TASOR: variants seen among roughly 807,000 people sequenced by gnomAD.
The protein encoded by TASOR is protein TASOR.
TASOR carries 53 observed loss-of-function variants against 178.6 expected under a neutral mutation model. The observed-to-expected ratio is 0.30, with a 90% CI of 0.24 to 0.37. The LOEUF is 0.37. Among genes scored for constraint, TASOR ranks in the 10% least tolerant of loss-of-function variants. TASOR has a pLI of 1.00. For synonymous variants in TASOR, 713 were observed against 696.2 expected, an observed-to-expected ratio of 1.02 and a Z score of -0.38; for missense variants, 1,815 against 1,971.4, an observed-to-expected ratio of 0.92 and a Z score of 1.50.
intron 5 of TASOR, 26 bp from the exon 6 acceptor site, chr3:56,668,584 G>A (rs896643795): frequency 6.8e-7 from 1 of 1,476,624 alleles, no homozygotes; most frequent in Non-Finnish European, 9.1e-7. Context: ...CCTTTTAAGT[G>A]TCTACCTAAA....
Position 56,638,736 on chromosome 3 carries a change from GCTGGT to G in TASOR, c.2789_2793del (p.Asp930AlafsTer6). The G allele has an allele frequency of 6.2e-7, 1 of 1,614,116 alleles. No homozygotes were observed. Among genetic ancestry groups the G allele is most frequent in the Non-Finnish European group, 8.5e-7 (1 of 1,179,996 alleles). ...GTTTGTTTCTCACCATGTTTCCCCA[GCTGGT>G]CTTCTGGGCTTCTTGCATTCCCTCC... On this transcript the variant is annotated frameshift_variant, in exon 17 of 24. Coordinates refer to ENST00000683822, the MANE Select transcript of TASOR (RefSeq NM_001365635.2). LOFTEE classifies it high-confidence loss of function.
Position 56,646,925 on chromosome 3 carries a change from G to C in TASOR, c.1812C>G (p.Ala604=), listed in dbSNP as rs146410830. The change falls in exon 14 of 24, where the codon GCC becomes GCG. Residue 604 remains alanine (A), a synonymous_variant. Coordinates refer to ENST00000683822, the MANE Select transcript of TASOR (RefSeq NM_001365635.2). Reference sequence around the variant, plus strand: ...GATACACTTCAGGCCGAAAAATATAGGCATGCAAACAAGTATCAATATGGG... The same window carrying C: ...GATACACTTCAGGCCGAAAAATATACGCATGCAAACAAGTATCAATATGGG... ...NKSHIDTCLH[A]YIFRPEVYQL... 57 of 1,611,802 alleles carry C rather than the reference G, an allele frequency of 3.5e-5. 1 individual carries two copies. The African/African-American group carries it at 7.1e-4, about 20-fold the overall frequency.
rs1057284119 is a variant in TASOR at position 56,673,452 on chromosome 3, A to C, written c.477+128T>G. The C allele has an allele frequency of 6.5e-4, 447 of 688,604 alleles. 3 individuals are homozygous for C. The African/African-American group carries it at 7.9e-3, about 12-fold the overall frequency. 42.7% of individuals were successfully genotyped at this position (688,604 alleles called of 1,614,324 possible). ...CGTCTCCAAAAAAAAAAAAAAAAAA[A>C]AAAAAACTTGTTTTCCCTTTGTAAT... On this transcript the variant is annotated intron_variant, in intron 2 of 23. Transcript: ENST00000683822.
intron 11 of TASOR, among the ~76,000 whole-genome samples, chr3:56,658,946 CTGTGTGTGTGTGTG>C (rs58622702): frequency 0.058 from 8,508 of 147,510 alleles, 814 homozygotes; most frequent in African/African-American, 0.2. Context: ...GAGAGAGAGA[CTGTGTGTGTGTGTG>C]TGTGTGTGTG....
rs763763742 is a variant in TASOR at position 56,649,063 on chromosome 3, T to A, written c.1369-6A>T. The A allele has an allele frequency of 3.8e-6, 6 of 1,597,104 alleles. 1 individual carries two copies. The South Asian group carries it at 6.9e-5, about 18-fold the overall frequency. ...CCCAAAGGTTTAACAAGAACCTGTA[T>A]TTTGAGGGGAAGGAAGAAGTTGTAT... On this transcript the variant is annotated splice_region_variant and splice_polypyrimidine_tract_variant and intron_variant, in intron 11 of 23. Transcript: ENST00000683822.
At chr3:56,669,941 CTATGACTAGTCTTTTTCTGGGAACATAA>C in intron 4 of TASOR, 104 bp downstream of exon 4, 1 of 862,278 alleles carries the variant, frequency 1.2e-6, no homozygotes, top group South Asian at 1.9e-5. Context: ...ATTTCAGAAC[CTATGACTAGTCTTTTTCTGGGAACATAA>C]TAAAGCATGA....
intron 11 of TASOR, among the ~76,000 whole-genome samples, chr3:56,659,707 T>C (rs1325033929): frequency 1.3e-5 from 2 of 152,184 alleles, no homozygotes; most frequent in Non-Finnish European, 1.5e-5. Flanking sequence ...ATGCACACCC[T>C]TGAAAATCCT....
intron 14 of TASOR, 102 bp from the exon 15 acceptor site, chr3:56,641,854 AG>A: frequency 8.2e-7 from 1 of 1,222,730 alleles, no homozygotes; most frequent in South Asian, 1.7e-5. Context: ...ATTTATGGTC[AG>A]GAACTCAACC....
At chr3:56,638,512 T>C (rs768436710) in intron 17 of TASOR, among the ~76,000 whole-genome samples, 194 bp downstream of exon 17, 1 of 152,200 alleles carries the variant, frequency 6.6e-6, no homozygotes, top group African/African-American at 2.4e-5. Flanking sequence ...CGGTGACTTA[T>C]CTGAACACTC....
rs781421220 is a variant in TASOR, at chr3:56,647,150, C to T, written c.1587G>A (p.Gln529=). The T allele has an allele frequency of 1.6e-5, 25 of 1,602,378 alleles. No individual in the cohort carries two copies. The highest frequency in any genetic ancestry group is 2.1e-5 in the Non-Finnish European group (25 of 1,177,282). Residue 529 remains glutamine, a synonymous_variant, in exon 14 of 24, where the codon CAG becomes CAA. Transcript: ENST00000683822. The part of the protein sequence containing the change: ...ESMPDVLKIA[Q]FLQFSLIQCR... Reference sequence around the variant, plus strand: ...ACTGAATCAAAGAAAATTGTAAAAACTGAGCTATTTTTAATACATCTGGCA... The same window carrying T: ...ACTGAATCAAAGAAAATTGTAAAAATTGAGCTATTTTTAATACATCTGGCA...
At chr3:56,636,141 T>C (rs1559821983) in intron 17 of TASOR, among the ~76,000 whole-genome samples, 1 of 143,948 alleles carries the variant, frequency 6.9e-6, no homozygotes, top group African/African-American at 2.5e-5. Flanking sequence ...TCGTCTCTAC[T>C]AAAAAAAAAA....
intron 17 of TASOR, among the ~76,000 whole-genome samples, chr3:56,636,644 G>A (rs2077023907): frequency 6.6e-6 from 1 of 151,548 alleles, no homozygotes; most frequent in South Asian, 2.1e-4. Context: ...CTCCTGATCC[G>A]CACACCTTGG....
At chr3:56,636,404 GTGTTGT>G (rs1319501306) in intron 17 of TASOR, among the ~76,000 whole-genome samples, 1 of 146,890 alleles carries the variant, frequency 6.8e-6, no homozygotes, top group Non-Finnish European at 1.5e-5. Context: ...GGTGGTGGTG[GTGTTGT>G]TGTTGTTGTT....
At chr3:56,656,599 C>G (rs1247573203) in intron 11 of TASOR, among the ~76,000 whole-genome samples, 2 of 151,118 alleles carry the variant, frequency 1.3e-5, no homozygotes, top group South Asian at 2.1e-4. Context: ...CCCCGCCCCC[C>G]CCCAAAAAAA....
At position 56,633,504 on chromosome 3, in the gene TASOR, C is replaced by A. The variant is rs146403732; in HGVS notation, c.3287G>T (p.Gly1096Val). The change falls in exon 18 of 24, where the codon GGT (glycine) becomes GTT (valine). Residue 1096 changes from glycine to valine, a missense_variant. Gly to Val is a moderately radical substitution (Grantham distance 109, BLOSUM62 -3). Coordinates refer to ENST00000683822, the MANE Select transcript of TASOR (RefSeq NM_001365635.2). ...NTIIIKASAK[G>V]GNLPPVSPND... ...AGGACTGACTGGTGGCAAATTCCCACCCTTGGCTGATGCTTTAATAATAAT... is the reference window on the plus strand; with the variant it reads ...AGGACTGACTGGTGGCAAATTCCCAACCTTGGCTGATGCTTTAATAATAAT... The A allele has an allele frequency of 1.5e-4, 245 of 1,614,148 alleles. No individual in the cohort carries two copies. The African/African-American group carries it at 3.1e-3, about 21-fold the overall frequency.
chr3:56,641,808 T>C (rs1256213185), intron 14 of TASOR, 56 bp from the exon 15 acceptor site: 4 of 1,509,350 alleles, frequency 2.7e-6, no homozygotes, highest in Non-Finnish European at 3.6e-6. Flanking sequence ...CATAAAACTT[T>C]TAAAATCAAA....
intron 11 of TASOR, among the ~76,000 whole-genome samples, chr3:56,656,445 G>T (rs2077470198): frequency 6.6e-6 from 1 of 151,774 alleles, no homozygotes; most frequent in African/African-American, 2.4e-5. Context: ...AAAAAAATTA[G>T]CCAGGTATGG....
chr3:56,672,289 T>G (rs1350075326), intron 2 of TASOR, among the ~76,000 whole-genome samples: 1 of 152,182 alleles, frequency 6.6e-6, no homozygotes, highest in East Asian at 1.9e-4. Flanking sequence ...TTACTGCTCT[T>G]TAATAACTAA....
Position 56,647,240 on chromosome 3 carries a change from C to A in TASOR, c.1514-17G>T, listed in dbSNP as rs1383766409. 1.3e-6 allele frequency: 2 copies of A among 1,506,918 alleles called. No individual in the cohort carries two copies. Among genetic ancestry groups the A allele is most frequent in the Non-Finnish European group, 8.8e-7 (1 of 1,133,900 alleles). The allele number at this position is 1,506,918 out of a possible 1,614,324, so 93.3% of individuals were successfully genotyped here. ...CTTTTTGTGCTGTAAATAAAACAAA[C>A]AAACAAAAAAGCAAACCATGTTAGC... On this transcript the variant is annotated splice_polypyrimidine_tract_variant and intron_variant, in intron 13 of 23. Coordinates refer to ENST00000683822, the MANE Select transcript of TASOR (RefSeq NM_001365635.2).
Sources: allele counts gnomAD v4.1 joint callset (sites outside exome capture counted in the v4.1 genomes callset), GRCh38; gene constraint gnomAD v4.1.1; transcripts MANE v1.5; gene names NCBI Gene and HGNC (gene_info 2026-07-23, HGNC 2026-07-21).